Variants in ACAD11 observed in about 807,000 individuals in gnomAD.
ACAD11 encodes the protein acyl-CoA dehydrogenase family member 11, also known as acyl-Coenzyme A dehydrogenase family, member 11.
Under a neutral mutation model 102.2 loss-of-function variants are expected in ACAD11, and 83 were observed. The observed-to-expected ratio is 0.81, with a 90% confidence interval of 0.68 to 0.97. The LOEUF (loss-of-function observed/expected upper bound fraction) is 0.97. Ranked by LOEUF, ACAD11 falls within the 50% of genes least tolerant of loss-of-function variation. The probability of loss-of-function intolerance (pLI) is 0.00; values close to 1 mark genes in which losing one functional copy is unlikely to be tolerated. For missense variants in ACAD11, 901 were observed against 951.7 expected, an observed-to-expected ratio of 0.95 and a Z score of 0.70; for synonymous variants, 324 against 319.8, an observed-to-expected ratio of 1.01 and a Z score of -0.14.
intron 5 of ACAD11, among the ~76,000 whole-genome samples, chr3:132,638,244 T>G (rs1160129048): frequency 1.3e-5 from 2 of 152,090 alleles, no homozygotes; most frequent in Non-Finnish European, 2.9e-5. Flanking sequence ...AGGTACACAA[T>G]GTCAATTTCC....
In ACAD11 at chr3:132,574,623, C is replaced by T. The variant is rs149961297; in HGVS notation, c.2001+1149G>A. 3.3e-3 allele frequency among the ~76,000 whole-genome samples: 496 copies of T among 152,246 alleles called. 1 individual carries two copies. Among genetic ancestry groups the T allele is most frequent in the Non-Finnish European group, 4.0e-3 (272 of 68,032 alleles). ...AAGGAGACCGACATACTAAAATATA[C>T]ATGTGCAGCAAACACAAATACAATT... On this transcript the variant is annotated intron_variant, in intron 17 of 19. Transcript: ENST00000264990.
At chr3:132,627,020 C>T (rs1438222722) in intron 8 of ACAD11, 2 of 464,098 alleles carry the variant, frequency 4.3e-6, no homozygotes, top group South Asian at 3.0e-5. Context: ...AACTTTAATG[C>T]TTAAAGCACT....
intron 17 of ACAD11, among the ~76,000 whole-genome samples, chr3:132,573,474 C>G (rs1488032215): frequency 2.0e-5 from 3 of 151,344 alleles, no homozygotes; most frequent in Non-Finnish European, 4.4e-5. Context: ...AAATTAATTC[C>G]ATCTTTTTCT....
At chr3:132,608,765 T>C (rs1048751137) in intron 11 of ACAD11, among the ~76,000 whole-genome samples, 1 of 152,190 alleles carries the variant, frequency 6.6e-6, no homozygotes, top group African/African-American at 2.4e-5. Context: ...TATTCAGGAC[T>C]TGAACTCAGC....
At position 132,628,333 on chromosome 3, in the gene ACAD11, T is replaced by C; in HGVS notation, c.1070+7A>G. 1 of 1,605,488 alleles carries C rather than the reference T, an allele frequency of 6.2e-7. No individual in the cohort carries two copies. The highest frequency in any genetic ancestry group is 8.5e-7 in the Non-Finnish European group (1 of 1,174,308). On this transcript the variant is annotated splice_region_variant and intron_variant, in intron 8 of 19. Coordinates refer to ENST00000264990, the MANE Select transcript of ACAD11 (RefSeq NM_032169.5). The stretch of plus-strand genomic sequence containing the variant: ...TTTGAGTTAGCCAAGGAATCTGTTT[T>C]CCTTACCGTTTGGAGAGTTGTAGTC...
At chr3:132,576,164 T>A (rs962938295) in intron 16 of ACAD11, among the ~76,000 whole-genome samples, 2 of 152,236 alleles carry the variant, frequency 1.3e-5, no homozygotes, top group African/African-American at 4.8e-5. Flanking sequence ...AAGTATGTAC[T>A]ATGCATAAGC....
At chr3:132,588,082 A>G (rs1230127814) in intron 13 of ACAD11, among the ~76,000 whole-genome samples, 2 of 152,132 alleles carry the variant, frequency 1.3e-5, no homozygotes, top group African/African-American at 2.4e-5. Flanking sequence ...TCCTCAGGCT[A>G]AAGTCTAAAA....
chr3:132,608,884 A>T (rs1938982610), intron 11 of ACAD11, among the ~76,000 whole-genome samples: 1 of 152,102 alleles, frequency 6.6e-6, no homozygotes, highest in Non-Finnish European at 1.5e-5. Flanking sequence ...TGACCACATA[A>T]TTGGATGTAA....
At chr3:132,589,354 C>A (rs1446965651) in intron 13 of ACAD11, among the ~76,000 whole-genome samples, 1 of 152,130 alleles carries the variant, frequency 6.6e-6, no homozygotes. Context: ...TGGATCTTAC[C>A]TAAATGACTT....
chr3:132,617,393 A>C (rs1327819874), intron 11 of ACAD11, among the ~76,000 whole-genome samples: 2 of 152,158 alleles, frequency 1.3e-5, no homozygotes, highest in African/African-American at 4.8e-5. Flanking sequence ...TTTTTAAAAA[A>C]TTGGCCTCCT....
At chr3:132,649,261 C>T (rs1319467337) in intron 1 of ACAD11, among the ~76,000 whole-genome samples, 13 of 152,160 alleles carry the variant, frequency 8.5e-5, no homozygotes, top group Admixed American at 8.5e-4. Flanking sequence ...AAGCCTCTTG[C>T]AGTGGAGATA....
intron 13 of ACAD11, among the ~76,000 whole-genome samples, chr3:132,595,408 G>T (rs1938257556): frequency 6.6e-6 from 1 of 152,010 alleles, no homozygotes; most frequent in Non-Finnish European, 1.5e-5. Flanking sequence ...ACTACTATGA[G>T]AGTTCATGAT....
intron 17 of ACAD11, among the ~76,000 whole-genome samples, chr3:132,570,332 C>T (rs890866376): frequency 6.6e-6 from 1 of 152,034 alleles, no homozygotes; most frequent in African/African-American, 2.4e-5. Flanking sequence ...GAATTGGTTT[C>T]CAATTCTAAA....
chr3:132,658,099 G>A (rs1200492585), intron 1 of ACAD11, among the ~76,000 whole-genome samples: 1 of 152,124 alleles, frequency 6.6e-6, no homozygotes, highest in Non-Finnish European at 1.5e-5. Flanking sequence ...CTGACCTCAA[G>A]TGATCCACGT....
At chr3:132,633,542 T>G (rs961747724) in intron 5 of ACAD11, among the ~76,000 whole-genome samples, 10 of 152,172 alleles carry the variant, frequency 6.6e-5, no homozygotes, top group Non-Finnish European at 1.0e-4. Flanking sequence ...TCTCTTTTTT[T>G]GTTGTGTCTC....
intron 11 of ACAD11, among the ~76,000 whole-genome samples, chr3:132,611,627 G>T (rs545042730): frequency 6.6e-6 from 1 of 151,920 alleles, no homozygotes. Flanking sequence ...ATTCACAATT[G>T]CTTCAAAGAG....
intron 13 of ACAD11, among the ~76,000 whole-genome samples, chr3:132,580,428 A>G (rs1447647733): frequency 6.6e-6 from 1 of 152,066 alleles, no homozygotes; most frequent in Non-Finnish European, 1.5e-5. Context: ...TTTCTTCAAC[A>G]ATTAAATTGC....
At chr3:132,640,154 C>T (rs1181614472) in intron 4 of ACAD11, among the ~76,000 whole-genome samples, 2 of 151,622 alleles carry the variant, frequency 1.3e-5, no homozygotes, top group East Asian at 1.9e-4. Flanking sequence ...CGCTCTGTTG[C>T]CCAGGCTGGA....
At position 132,617,926 on chromosome 3, in the gene ACAD11, T is replaced by G. The variant is rs78146236; in HGVS notation, c.1414+708A>C. On this transcript the variant is annotated intron_variant, in intron 11 of 19. Coordinates refer to ENST00000264990, the MANE Select transcript of ACAD11 (RefSeq NM_032169.5). Reference sequence around the variant, plus strand: ...TTCCCCATATAACAGCATGACTAACTCAAGAAATCACCTTATATAAGTTAT... The same window carrying G: ...TTCCCCATATAACAGCATGACTAACGCAAGAAATCACCTTATATAAGTTAT... Among the ~76,000 whole-genome samples, 3 of 152,150 alleles carry G rather than the reference T, an allele frequency of 2.0e-5. No homozygotes were observed. In the East Asian group the frequency reaches 5.8e-4, roughly 29 times the overall value.
Sources: allele counts gnomAD v4.1 joint callset (sites outside exome capture counted in the v4.1 genomes callset), GRCh38; gene constraint gnomAD v4.1.1; transcripts MANE v1.5; gene names NCBI Gene and HGNC (gene_info 2026-07-23, HGNC 2026-07-21).